Variants in CHLSN observed in about 807,000 individuals in gnomAD.
CHLSN encodes protein cholesin.
At chr7:1,016,653 A>G in the CHLSN span, among the ~76,000 whole-genome samples, 6,370 of 74,900 alleles carry the variant, frequency 0.085, 813 homozygotes, top group African/African-American at 0.2. Flanking sequence ...GCACAGCAGC[A>G]CACAGCAGCG....
the CHLSN span, among the ~76,000 whole-genome samples, chr7:1,069,203 T>C: frequency 6.6e-6 from 1 of 152,256 alleles, no homozygotes; most frequent in South Asian, 2.1e-4. Flanking sequence ...TGGTGGCACA[T>C]GCCTGTAATC....
the CHLSN span, among the ~76,000 whole-genome samples, chr7:991,347 G>A: frequency 6.6e-6 from 1 of 152,156 alleles, no homozygotes; most frequent in African/African-American, 2.4e-5. Flanking sequence ...GTACAGCCAG[G>A]GCCCCCCAAG....
At chr7:1,008,784 G>A in the CHLSN span, among the ~76,000 whole-genome samples, 17 of 150,878 alleles carry the variant, frequency 1.1e-4, no homozygotes, top group South Asian at 2.1e-4. Flanking sequence ...ACGCACACAC[G>A]CACATGTACA....
At chr7:1,123,112 C>T in the CHLSN span, among the ~76,000 whole-genome samples, 29,952 of 152,150 alleles carry the variant, frequency 0.2, 3,152 homozygotes, top group African/African-American at 0.22. This position sits in a 1 kb window ranked among gnomAD's most constrained non-coding sequence, Gnocchi z 4.4. Flanking sequence ...GACCGAGGAA[C>T]GGCCAAACCT....
At chr7:985,171 C>G in the CHLSN span, 1 of 1,580,670 alleles carries the variant, frequency 6.3e-7, no homozygotes, top group East Asian at 2.3e-5. Flanking sequence ...CGCAGGCCGG[C>G]CCTTCCCGCT....
At chr7:1,106,199 G>A in the CHLSN span, among the ~76,000 whole-genome samples, 1 of 152,132 alleles carries the variant, frequency 6.6e-6, no homozygotes, top group African/African-American at 2.4e-5. Flanking sequence ...CTCAGCTGTC[G>A]GGCTCTGCCA....
At chr7:984,812 G>T in the CHLSN span, 1 of 1,291,608 alleles carries the variant, frequency 7.7e-7, no homozygotes, top group East Asian at 2.4e-5. Context: ...GGCCAGCCCA[G>T]GGGGACGGGA....
At chr7:1,022,454 A>G in the CHLSN span, among the ~76,000 whole-genome samples, 3 of 152,250 alleles carry the variant, frequency 2.0e-5, no homozygotes, top group Non-Finnish European at 4.4e-5. Context: ...TCACAGTAGT[A>G]AACTGCTTTT....
chr7:1,111,824 A>G, the CHLSN span, among the ~76,000 whole-genome samples: 1 of 152,002 alleles, frequency 6.6e-6, no homozygotes, highest in South Asian at 2.1e-4. Context: ...TGCAGTTTCC[A>G]AGGGCCTCGG....
the CHLSN span, among the ~76,000 whole-genome samples, chr7:1,114,399 G>A: frequency 6.6e-6 from 1 of 152,256 alleles, no homozygotes; most frequent in African/African-American, 2.4e-5. Flanking sequence ...TGTCACCAGC[G>A]TGAATTGTGG....
the CHLSN span, among the ~76,000 whole-genome samples, chr7:1,132,294 T>C: frequency 6.6e-6 from 1 of 152,214 alleles, no homozygotes; most frequent in Non-Finnish European, 1.5e-5. Flanking sequence ...ATGCCTGTAA[T>C]CCCAGCACTT....
the CHLSN span, among the ~76,000 whole-genome samples, chr7:1,008,835 AT>A: frequency 9.4e-5 from 13 of 137,898 alleles, no homozygotes; most frequent in Non-Finnish European, 1.6e-4. Context: ...CACAACGTGT[AT>A]ACACACGCAC....
chr7:1,092,444 G>A, the CHLSN span: 7 of 1,607,952 alleles, frequency 4.4e-6, no homozygotes, highest in East Asian at 2.2e-5. Flanking sequence ...CTCATTGTCC[G>A]GGTGCTGGTC....
At chr7:987,474 G>A in the CHLSN span, 13 of 1,560,230 alleles carry the variant, frequency 8.3e-6, no homozygotes, top group Admixed American at 9.2e-5. Context: ...CGCTCCTGCC[G>A]CACGTGCCCC....
chr7:1,118,945 G>T, the CHLSN span, among the ~76,000 whole-genome samples: 4 of 150,734 alleles, frequency 2.7e-5, no homozygotes, highest in Non-Finnish European at 4.4e-5. Flanking sequence ...AATACTATGA[G>T]ACTCTTAAAA....
the CHLSN span, among the ~76,000 whole-genome samples, chr7:1,049,889 G>A: frequency 7.2e-5 from 11 of 152,194 alleles, no homozygotes; most frequent in African/African-American, 2.4e-4. Flanking sequence ...AGCTGAAGCT[G>A]TGCACCTGGG....
chr7:1,010,926 C>T, the CHLSN span, among the ~76,000 whole-genome samples: 4 of 151,954 alleles, frequency 2.6e-5, no homozygotes, highest in South Asian at 2.1e-4. Flanking sequence ...CAGCTAGGGG[C>T]GTGGGAATCA....
At chr7:1,032,550 G>A in the CHLSN span, among the ~76,000 whole-genome samples, 1 of 149,278 alleles carries the variant, frequency 6.7e-6, no homozygotes, top group African/African-American at 2.5e-5. Flanking sequence ...GTGGCCCTCA[G>A]AGGCCGCAGC....
the CHLSN span, among the ~76,000 whole-genome samples, chr7:1,006,718 G>A: frequency 4.0e-5 from 6 of 149,972 alleles, no homozygotes; most frequent in South Asian, 8.5e-4. Context: ...AGCGCATGAC[G>A]GTCACAGCGC....
Sources: allele counts gnomAD v4.1 joint callset (sites outside exome capture counted in the v4.1 genomes callset), GRCh38; gene constraint gnomAD v4.1.1; non-coding constraint Gnocchi (gnomAD v3.1); transcripts MANE v1.5; gene names NCBI Gene and HGNC (gene_info 2026-07-23, HGNC 2026-07-21).